Variants in AUTS2 observed in about 807,000 individuals in gnomAD.
The protein encoded by AUTS2 is activator of transcription and developmental regulator AUTS2.
In AUTS2, 17 loss-of-function variants were observed where a neutral mutation model predicts 112.4. The observed-to-expected ratio is 0.15, with a 90% CI of 0.10 to 0.23. The LOEUF is 0.23. Among genes scored for constraint, AUTS2 ranks in the 10% least tolerant of loss-of-function variants. The pLI is 1.00. For synonymous variants in AUTS2, 751 were observed against 702.7 expected (o/e 1.07, Z -1.09); for missense variants, 1,510 against 1,701.6 (o/e 0.89, Z 1.98).
chr7:69,774,715 T>C (rs1454183906), intron 1 of AUTS2, among the ~76,000 whole-genome samples: 1 of 152,246 alleles, frequency 6.6e-6, no homozygotes, highest in Non-Finnish European at 1.5e-5. Context: ...CAACAAATAG[T>C]GTACTTAGAG....
chr7:70,360,007 A>G (rs1398545387), intron 4 of AUTS2, among the ~76,000 whole-genome samples: 1 of 152,184 alleles, frequency 6.6e-6, no homozygotes, highest in Non-Finnish European at 1.5e-5. Flanking sequence ...CTTTAAAAAG[A>G]TGTAGGTTAA....
intron 4 of AUTS2, among the ~76,000 whole-genome samples, chr7:70,164,418 C>A (rs1808275103): frequency 1.3e-5 from 2 of 152,074 alleles, no homozygotes; most frequent in South Asian, 4.1e-4. Context: ...GTCATTATAT[C>A]TCCTCAGGTG....
chr7:70,222,401 A>G (rs1003965548), intron 4 of AUTS2, among the ~76,000 whole-genome samples: 1 of 152,224 alleles, frequency 6.6e-6, no homozygotes, highest in Non-Finnish European at 1.5e-5. Context: ...GAGAAGTTCA[A>G]TAGGAACATG....
Position 70,619,709 on chromosome 7 carries a change from A to C in AUTS2, c.691-78860A>C, listed in dbSNP as rs567241778. On this transcript the variant is annotated intron_variant, in intron 5 of 18. Transcript: ENST00000342771. The stretch of plus-strand genomic sequence containing the variant: ...AGCTGTGGCAGCTAGCAAGTAGGTA[A>C]GGGAGAATTGCCTGTTTGGAGGAAG... 3.3e-5 allele frequency among the ~76,000 whole-genome samples: 5 copies of C among 152,216 alleles called. No individual in the cohort carries two copies. In the South Asian group the frequency reaches 1.0e-3, roughly 32 times the overall value.
chr7:70,073,595 A>G (rs1802891027), intron 2 of AUTS2, among the ~76,000 whole-genome samples: 1 of 151,854 alleles, frequency 6.6e-6, no homozygotes, highest in Non-Finnish European at 1.5e-5. Flanking sequence ...TTTGCCACAG[A>G]TGAGTTATGT....
intron 5 of AUTS2, among the ~76,000 whole-genome samples, chr7:70,442,377 C>T (rs1796154807): frequency 6.6e-6 from 1 of 152,176 alleles, no homozygotes; most frequent in Non-Finnish European, 1.5e-5. Flanking sequence ...CTTCCTCAGG[C>T]TTCTATATTT....
intron 5 of AUTS2, among the ~76,000 whole-genome samples, chr7:70,518,317 A>G (rs1799499813): frequency 6.6e-6 from 1 of 152,150 alleles, no homozygotes; most frequent in African/African-American, 2.4e-5. Flanking sequence ...GGGGGATTTT[A>G]TGGCTGATTT....
At chr7:69,696,412 C>T (rs898481452) in intron 1 of AUTS2, among the ~76,000 whole-genome samples, 22 of 151,974 alleles carry the variant, frequency 1.4e-4, no homozygotes, top group African/African-American at 7.3e-5. Context: ...TTTTTTTTTA[C>T]GTGAAGGGTA....
intron 2 of AUTS2, among the ~76,000 whole-genome samples, chr7:69,980,133 G>A (rs1458623125): frequency 1.3e-5 from 2 of 152,180 alleles, no homozygotes; most frequent in Middle Eastern, 3.4e-3. Context: ...TTGAGATGGA[G>A]TCTCTCACTC....
chr7:70,173,035 T>C (rs1808784612), intron 4 of AUTS2, among the ~76,000 whole-genome samples: 1 of 152,180 alleles, frequency 6.6e-6, no homozygotes, highest in Admixed American at 6.5e-5. Flanking sequence ...TCTGTGGGGT[T>C]TCAATTTCTT....
intron 1 of AUTS2, among the ~76,000 whole-genome samples, chr7:69,701,241 G>A (rs550063840): frequency 2.6e-5 from 4 of 152,300 alleles, no homozygotes; most frequent in African/African-American, 4.8e-5. Context: ...AATACTGGCC[G>A]AAAAGTCGTA....
chr7:69,982,359 C>G (rs1381870590), intron 2 of AUTS2, among the ~76,000 whole-genome samples: 1 of 152,128 alleles, frequency 6.6e-6, no homozygotes, highest in Non-Finnish European at 1.5e-5. Context: ...TCAGCTGTGG[C>G]TTTCTCTGGT....
intron 1 of AUTS2, among the ~76,000 whole-genome samples, chr7:69,857,107 G>A (rs1215798032): frequency 6.6e-6 from 1 of 152,102 alleles, no homozygotes; most frequent in Admixed American, 6.5e-5. Flanking sequence ...TTTGCCCTAG[G>A]CACCTTGGAG....
intron 17 of AUTS2, 96 bp from the exon 18 acceptor site, chr7:70,787,113 T>A (rs1563199875): frequency 9.1e-7 from 1 of 1,093,902 alleles, no homozygotes; most frequent in Admixed American, 2.0e-5. Context: ...TCATTTTAAC[T>A]CTGAATGCTG....
chr7:69,674,440 C>T (rs2129159941), intron 1 of AUTS2, among the ~76,000 whole-genome samples: 1 of 152,218 alleles, frequency 6.6e-6, no homozygotes, highest in African/African-American at 2.4e-5. Context: ...CTGTCCTTAC[C>T]TGTGAGATGG....
chr7:69,938,788 A>G (rs1796513496), intron 2 of AUTS2, among the ~76,000 whole-genome samples: 1 of 152,178 alleles, frequency 6.6e-6, no homozygotes, highest in Admixed American at 6.5e-5. Flanking sequence ...GCTAAGAAAC[A>G]AGATCAATTA....
At position 70,228,176 on chromosome 7, in the gene AUTS2, G is replaced by A. The variant is rs186762741; in HGVS notation, c.660+93605G>A. On this transcript the variant is annotated intron_variant, in intron 4 of 18. Transcript: ENST00000342771. ...TCATTATAAAATCTCTTTGTCTCTA[G>A]TAACAGTTTTGCTTTAAAGTCTGTT... Among the ~76,000 whole-genome samples, 6 of 151,388 alleles carry A rather than the reference G, an allele frequency of 4.0e-5. No individual in the cohort carries two copies. The East Asian group carries it at 9.7e-4, about 24-fold the overall frequency.
chr7:70,384,289 G>A (rs1332925758), intron 4 of AUTS2, among the ~76,000 whole-genome samples: 1 of 152,200 alleles, frequency 6.6e-6, no homozygotes, highest in African/African-American at 2.4e-5. Flanking sequence ...CTACTCAGAC[G>A]CACTGACTGT....
chr7:70,366,846 C>G (rs970536658), intron 4 of AUTS2, among the ~76,000 whole-genome samples: 24 of 152,072 alleles, frequency 1.6e-4, no homozygotes, highest in African/African-American at 4.3e-4. Flanking sequence ...ATGTCCAATA[C>G]AGGGGGAGGA....
Sources: allele counts gnomAD v4.1 joint callset (sites outside exome capture counted in the v4.1 genomes callset), GRCh38; gene constraint gnomAD v4.1.1; transcripts MANE v1.5; gene names NCBI Gene and HGNC (gene_info 2026-07-23, HGNC 2026-07-21).